The following LSAMP variants were observed in gnomAD, a reference collection of about 807,000 sequenced individuals.
LSAMP encodes limbic system associated membrane protein, also known as limbic system-associated membrane protein.
In LSAMP, 7 loss-of-function variants were observed where a neutral mutation model predicts 38.6. The ratio of observed to expected loss-of-function variants is 0.18; its 90% confidence interval spans 0.10 to 0.34. The LOEUF (loss-of-function observed/expected upper bound fraction) is 0.34, where lower values mean the gene tolerates loss of function less well. LSAMP is among the 10% of genes least tolerant of loss of function. The pLI is 1.00. For synonymous variants in LSAMP, 154 were observed against 166.8 expected (o/e 0.92, Z 0.59); for missense variants, 313 against 420.0 (o/e 0.75, Z 2.23).
At chr3:116,106,641 G>C (rs1708474476) in intron 1 of LSAMP, among the ~76,000 whole-genome samples, 1 of 152,120 alleles carries the variant, frequency 6.6e-6, no homozygotes, top group Admixed American at 6.5e-5. Context: ...AATAAAGGCT[G>C]GTCTGTTATC....
rs543030572 is a variant in LSAMP, at chr3:116,109,071, A to G, written c.156-22515T>C. On this transcript the variant is annotated intron_variant, in intron 1 of 6. Transcript: ENST00000490035. ...TTGACCTTTTAGGGTCTAGGGCTGT[A>G]AAGCATCTCAGGGTTGCTGCCAAAC... Among the ~76,000 whole-genome samples, 35 of 152,352 alleles carry G rather than the reference A, an allele frequency of 2.3e-4. No individual in the cohort carries two copies. The South Asian group carries it at 4.1e-3, about 18-fold the overall frequency.
At chr3:115,895,483 A>G (rs1189113365) in intron 3 of LSAMP, among the ~76,000 whole-genome samples, 1 of 152,076 alleles carries the variant, frequency 6.6e-6, no homozygotes, top group Admixed American at 6.6e-5. Flanking sequence ...TGGTTTCCAG[A>G]TTTAGTAAAC....
intron 1 of LSAMP, among the ~76,000 whole-genome samples, chr3:116,206,533 C>T (rs4435639): frequency 2.9e-5 from 2 of 68,656 alleles, no homozygotes; most frequent in Non-Finnish European, 6.8e-5. Flanking sequence ...TTTCTCTTGG[C>T]GGCATTTAGT....
chr3:116,070,186 G>A (rs1707567540), intron 2 of LSAMP, among the ~76,000 whole-genome samples: 1 of 152,218 alleles, frequency 6.6e-6, no homozygotes, highest in Admixed American at 6.5e-5. Flanking sequence ...TAAAAAGGGA[G>A]GGACACTGGG....
chr3:115,889,138 C>G (rs1299337454), intron 3 of LSAMP, among the ~76,000 whole-genome samples: 1 of 151,864 alleles, frequency 6.6e-6, no homozygotes, highest in East Asian at 1.9e-4. Flanking sequence ...CCTTTTCATC[C>G]AGTACAGGGC....
intron 1 of LSAMP, among the ~76,000 whole-genome samples, chr3:116,110,784 A>T (rs1708591629): frequency 6.6e-6 from 1 of 152,204 alleles, no homozygotes; most frequent in Non-Finnish European, 1.5e-5. Flanking sequence ...CCCCGATCCG[A>T]GTCATGGCAC....
chr3:115,933,924 G>C (rs1460741776), intron 3 of LSAMP, among the ~76,000 whole-genome samples: 2 of 152,086 alleles, frequency 1.3e-5, no homozygotes, highest in Admixed American at 6.5e-5. Context: ...GGAACAAGGG[G>C]GCAGAAGCAA....
At chr3:116,441,388 T>C (rs1223402658) in intron 1 of LSAMP, among the ~76,000 whole-genome samples, 1 of 152,240 alleles carries the variant, frequency 6.6e-6, no homozygotes, top group Non-Finnish European at 1.5e-5. Context: ...GCCTTATGAA[T>C]AGATATGTGA....
At chr3:115,891,335 C>G (rs571409350) in intron 3 of LSAMP, among the ~76,000 whole-genome samples, 1 of 152,020 alleles carries the variant, frequency 6.6e-6, no homozygotes, top group African/African-American at 2.4e-5. Flanking sequence ...AATGGGCATG[C>G]ACACTGGAGC....
chr3:116,233,412 CAA>C (rs3028677), intron 1 of LSAMP, among the ~76,000 whole-genome samples: 2 of 70,032 alleles, frequency 2.9e-5, no homozygotes, highest in Admixed American at 2.2e-4. Context: ...GACTCTGTCT[CAA>C]AAAAAAAAAA....
At chr3:115,957,014 T>C (rs1422880983) in intron 3 of LSAMP, among the ~76,000 whole-genome samples, 2 of 152,242 alleles carry the variant, frequency 1.3e-5, no homozygotes, top group Non-Finnish European at 2.9e-5. Flanking sequence ...TGATTTATGG[T>C]CAAACTAATA....
chr3:116,066,666 T>C (rs1184239794), intron 2 of LSAMP, among the ~76,000 whole-genome samples: 1 of 152,188 alleles, frequency 6.6e-6, no homozygotes, highest in African/African-American at 2.4e-5. Context: ...ATTTACTAAA[T>C]TAACATCCTC....
intron 1 of LSAMP, among the ~76,000 whole-genome samples, chr3:116,187,797 TC>T (rs1248016426): frequency 6.6e-6 from 1 of 152,148 alleles, no homozygotes; most frequent in African/African-American, 2.4e-5. Context: ...CACATTTTTT[TC>T]ACTTTTATTT....
At chr3:116,280,041 T>G (rs1208994184) in intron 1 of LSAMP, among the ~76,000 whole-genome samples, 1 of 152,090 alleles carries the variant, frequency 6.6e-6, no homozygotes, top group Non-Finnish European at 1.5e-5. Flanking sequence ...CATAAAAAAA[T>G]AAATACTGGT....
At chr3:116,093,032 A>G (rs1708157427) in intron 1 of LSAMP, among the ~76,000 whole-genome samples, 1 of 152,256 alleles carries the variant, frequency 6.6e-6, no homozygotes, top group Non-Finnish European at 1.5e-5. Flanking sequence ...ACAAATAAAT[A>G]TATTTTATGT....
At chr3:115,910,955 A>G (rs1264794464) in intron 3 of LSAMP, among the ~76,000 whole-genome samples, 3 of 152,188 alleles carry the variant, frequency 2.0e-5, no homozygotes, top group Non-Finnish European at 4.4e-5. Flanking sequence ...CAAAATAGCT[A>G]GAAGAAAGGA....
intron 1 of LSAMP, among the ~76,000 whole-genome samples, chr3:116,305,752 CAG>C (rs2047475626): frequency 1.3e-5 from 2 of 151,768 alleles, no homozygotes; most frequent in South Asian, 2.1e-4. Flanking sequence ...GAAAAACAAA[CAG>C]AATTATTTAC....
intron 6 of LSAMP, among the ~76,000 whole-genome samples, chr3:115,818,452 T>C (rs1934101959): frequency 6.6e-6 from 1 of 152,122 alleles, no homozygotes; most frequent in East Asian, 1.9e-4. Context: ...GGAAGCCTGG[T>C]GATTCTGCTG....
At chr3:115,851,873 T>C (rs907353156) in intron 4 of LSAMP, among the ~76,000 whole-genome samples, 2 of 152,172 alleles carry the variant, frequency 1.3e-5, no homozygotes, top group East Asian at 3.9e-4. Flanking sequence ...AAGAATCCTT[T>C]CATCCGAGAA....
Sources: gnomAD v4.1 joint callset for allele counts (sites outside exome capture counted in the v4.1 genomes callset) on GRCh38, gnomAD v4.1.1 for gene constraint, MANE v1.5 for transcripts, NCBI Gene and HGNC (gene_info 2026-07-23, HGNC 2026-07-21) for gene names.